FRMPD4: variants seen among roughly 807,000 people sequenced by gnomAD.
FRMPD4 encodes the protein FERM and PDZ domain-containing protein 4.
Under a neutral mutation model 94.1 loss-of-function variants are expected in FRMPD4, and 22 were observed. That is an observed-to-expected ratio of 0.23 (90% CI 0.17 to 0.33). FRMPD4 has a LOEUF of 0.33. Among genes scored for constraint, FRMPD4 ranks in the 10% least tolerant of loss-of-function variants. FRMPD4 has a pLI of 1.00. For synonymous variants in FRMPD4, 631 were observed against 548.6 expected (o/e 1.15, Z -2.10); for missense variants, 1,111 against 1,339.9 (o/e 0.83, Z 2.67).
intron 2 of FRMPD4, among the ~76,000 whole-genome samples, chrX:12,602,529 G>C (rs2059094251): frequency 8.9e-6 from 1 of 111,808 alleles, no homozygotes; most frequent in South Asian, 3.8e-4. Context: ...TGAAGTTGGT[G>C]GAGAAAATCC....
intron 3 of FRMPD4, among the ~76,000 whole-genome samples, chrX:12,118,439 T>G (rs2055427220): frequency 8.9e-6 from 1 of 112,668 alleles, no homozygotes; most frequent in Non-Finnish European, 1.9e-5. Context: ...AGCAGGCGAC[T>G]GCTGGCTGTT....
chrX:11,919,158 G>C (rs1319434728), intron 3 of FRMPD4, among the ~76,000 whole-genome samples: 1 of 112,202 alleles, frequency 8.9e-6, no homozygotes, highest in African/African-American at 3.2e-5. Flanking sequence ...CCTGTGCATG[G>C]TAGGATACTT....
At chrX:12,227,772 G>A (rs1039053450) in intron 1 of FRMPD4, among the ~76,000 whole-genome samples, 3 of 109,558 alleles carry the variant, frequency 2.7e-5, no homozygotes. Flanking sequence ...CTGCACTCCA[G>A]CCTGGATGAC....
At chrX:12,239,174 C>G (rs5935277) in intron 1 of FRMPD4, among the ~76,000 whole-genome samples, 1 of 110,939 alleles carries the variant, frequency 9.0e-6, no homozygotes, top group Non-Finnish European at 1.9e-5. Context: ...GAAATTGGTC[C>G]CTGGCAAGAT....
At chrX:12,168,701 C>G (rs1266113696) in intron 1 of FRMPD4, among the ~76,000 whole-genome samples, 2 of 99,522 alleles carry the variant, frequency 2.0e-5, no homozygotes, top group Non-Finnish European at 4.0e-5. Flanking sequence ...TCTCCGCTCA[C>G]TGCCAGCTCC....
At chrX:12,496,399 T>A (rs919633509) in intron 1 of FRMPD4, among the ~76,000 whole-genome samples, 1 of 111,960 alleles carries the variant, frequency 8.9e-6, no homozygotes, top group Non-Finnish European at 1.9e-5. Flanking sequence ...TACTGAATCA[T>A]AATCATCATT....
At chrX:12,472,974 T>TA (rs1333524832) in intron 1 of FRMPD4, among the ~76,000 whole-genome samples, 1 of 109,221 alleles carries the variant, frequency 9.2e-6, no homozygotes, top group Non-Finnish European at 1.9e-5. Flanking sequence ...GCCACAAAGA[T>TA]ACTCCTCGAG....
At chrX:12,645,010 A>T (rs1448840476) in intron 4 of FRMPD4, among the ~76,000 whole-genome samples, 1 of 111,394 alleles carries the variant, frequency 9.0e-6, no homozygotes, top group Non-Finnish European at 1.9e-5. Flanking sequence ...TATTTAGATG[A>T]TACATTGCAT....
chrX:12,100,803 C>G (rs1231815660), intron 3 of FRMPD4, among the ~76,000 whole-genome samples: 1 of 111,529 alleles, frequency 9.0e-6, no homozygotes, highest in Non-Finnish European at 1.9e-5. Context: ...ATCTGTGAAG[C>G]TAAAAAGCAA....
intron 3 of FRMPD4, among the ~76,000 whole-genome samples, chrX:11,934,123 A>C (rs1179669551): frequency 8.9e-6 from 1 of 112,304 alleles, no homozygotes; most frequent in Non-Finnish European, 1.9e-5. Context: ...AAGCAAGAAA[A>C]GTAGAATTAG....
intron 1 of FRMPD4, among the ~76,000 whole-genome samples, chrX:12,270,359 C>T (rs1055340098): frequency 2.1e-4 from 24 of 111,752 alleles, no homozygotes; most frequent in South Asian, 3.7e-4. Context: ...TCTCTTAAAA[C>T]TATCTGTCCA....
intron 3 of FRMPD4, among the ~76,000 whole-genome samples, chrX:11,911,543 C>T (rs2053997032): frequency 8.9e-6 from 1 of 112,009 alleles, no homozygotes. Context: ...ATGGTGGCAA[C>T]TTGGAGAACT....
intron 2 of FRMPD4, among the ~76,000 whole-genome samples, chrX:12,520,627 C>T (rs887093742): frequency 8.9e-6 from 1 of 111,999 alleles, no homozygotes; most frequent in African/African-American, 3.2e-5. Flanking sequence ...GAGCTCTCTT[C>T]ACTTTGCCTT....
Position 12,707,514 on chromosome X carries a change from T to C in FRMPD4, c.1333T>C (p.Tyr445His). 1 of 1,207,247 alleles carries C rather than the reference T, an allele frequency of 8.3e-7. No homozygotes were observed. Among genetic ancestry groups the C allele is most frequent in the Non-Finnish European group, 1.1e-6 (1 of 892,443 alleles). ...AGTGACTCTCCTGGTTGGGCCCCGGTATGGCATAAGCCATGTCATCAACAC... is the reference window on the plus strand; with the variant it reads ...AGTGACTCTCCTGGTTGGGCCCCGGCATGGCATAAGCCATGTCATCAACAC... ...SEVTLLVGPR[Y>H]GISHVINTKT... Residue 445 changes from tyrosine (Y) to histidine (H), a missense_variant, in exon 13 of 17, where the codon TAT (tyrosine) becomes CAT (histidine). By Grantham distance (83) the Tyr-to-His change is moderately conservative. Around this residue, in one of 8 missense-constraint regions of FRMPD4, gnomAD observed 111 missense variants for 160.7 expected, o/e 0.69. Coordinates refer to ENST00000675598, the MANE Select transcript of FRMPD4 (RefSeq NM_001368397.1).
intron 3 of FRMPD4, among the ~76,000 whole-genome samples, chrX:11,897,006 G>T (rs1014632809): frequency 9.0e-6 from 1 of 110,876 alleles, no homozygotes; most frequent in Non-Finnish European, 1.9e-5. Context: ...GTGTTTGGGG[G>T]TTTGGAAGCT....
chrX:12,716,760 G>A lies in FRMPD4; in HGVS notation c.2301G>A (p.Gln767=), dbSNP rs139554874. ...EEDLVVGEMN[Q]PAILNLSGSS... is the part of the protein sequence containing the mutation. ...ACCTCGTGGTGGGGGAGATGAACCAGCCGGCCATCCTCAACCTGTCTGGGT... is the reference window on the plus strand; with the variant it reads ...ACCTCGTGGTGGGGGAGATGAACCAACCGGCCATCCTCAACCTGTCTGGGT... Residue 767 remains glutamine (Q), a synonymous_variant, in exon 15 of 17, where the codon CAG becomes CAA. Coordinates refer to ENST00000675598, the MANE Select transcript of FRMPD4 (RefSeq NM_001368397.1). 1.7e-6 allele frequency: 2 copies of A among 1,209,399 alleles called. No homozygotes were observed. The highest frequency in any genetic ancestry group is 3.5e-5 in the African/African-American group (2 of 57,148).
At chrX:12,215,823 A>G (rs1234560735) in intron 1 of FRMPD4, among the ~76,000 whole-genome samples, 2 of 111,873 alleles carry the variant, frequency 1.8e-5, no homozygotes, top group African/African-American at 6.5e-5. Context: ...TGCCTAGAAT[A>G]TGGGCCACCA....
intron 1 of FRMPD4, among the ~76,000 whole-genome samples, chrX:12,161,499 A>G (rs1304117892): frequency 8.9e-6 from 1 of 112,242 alleles, no homozygotes; most frequent in East Asian, 2.8e-4. Flanking sequence ...ACAATAGCTC[A>G]GATATTTAAT....
intron 3 of FRMPD4, among the ~76,000 whole-genome samples, chrX:12,064,177 G>A (rs944439845): frequency 1.8e-5 from 2 of 112,464 alleles, no homozygotes; most frequent in African/African-American, 6.5e-5. Context: ...ATTGTTTGTG[G>A]CAAACCATAT....
Sources: allele counts gnomAD v4.1 joint callset (sites outside exome capture counted in the v4.1 genomes callset), GRCh38; gene constraint gnomAD v4.1.1; regional missense constraint gnomAD v4.1.1; transcripts MANE v1.5; gene names NCBI Gene and HGNC (gene_info 2026-07-23, HGNC 2026-07-21).